DLG1: variants seen among roughly 807,000 people sequenced by gnomAD.
DLG1 encodes disks large homolog 1.
DLG1 carries 42 observed loss-of-function variants against 123.4 expected under a neutral mutation model. That is an observed-to-expected ratio of 0.34 (90% CI 0.27 to 0.44). The LOEUF (loss-of-function observed/expected upper bound fraction) is 0.44. Ranked by LOEUF, DLG1 falls within the 20% of genes least tolerant of loss-of-function variation. DLG1 has a pLI of 1.00. For missense variants in DLG1, 942 were observed against 1,082.6 expected, an observed-to-expected ratio of 0.87 and a Z score of 1.82; for synonymous variants, 317 against 356.2, an observed-to-expected ratio of 0.89 and a Z score of 1.24.
intron 4 of DLG1, among the ~76,000 whole-genome samples, chr3:197,214,760 C>T (rs1431155962): frequency 1.3e-5 from 2 of 152,040 alleles, no homozygotes; most frequent in Non-Finnish European, 2.9e-5. Flanking sequence ...TCTTACAAAT[C>T]AATTTTTAAA....
chr3:197,212,552 C>T (rs1219202681), intron 4 of DLG1, among the ~76,000 whole-genome samples: 1 of 152,258 alleles, frequency 6.6e-6, no homozygotes, highest in African/African-American at 2.4e-5. Flanking sequence ...TGGCAGTCTT[C>T]CGCACTCCTT....
chr3:197,268,593 T>A (rs1280667739), intron 4 of DLG1, among the ~76,000 whole-genome samples: 1 of 152,052 alleles, frequency 6.6e-6, no homozygotes, highest in Non-Finnish European at 1.5e-5. Context: ...CCTAATTTTT[T>A]TTTTTTGTAG....
In DLG1 at chr3:197,296,354, GC is replaced by G. The variant is rs1777361074; in HGVS notation, c.142del (p.Ala48LeufsTer2). 6.2e-7 allele frequency: 1 copy of G among 1,613,288 alleles called. No individual in the cohort carries two copies. Among genetic ancestry groups the G allele is most frequent in the Non-Finnish European group, 8.5e-7 (1 of 1,179,512 alleles). On this transcript the variant is annotated frameshift_variant, in exon 3 of 25. Transcript: ENST00000667157. LOFTEE classifies it high-confidence loss of function. Reference sequence around the variant, plus strand: ...GAAGTTTTAATTCCCACCTATTAAAGCCTGAAAGAGGTTGCTCTGAAATATG... The same window carrying G: ...GAAGTTTTAATTCCCACCTATTAAAGCTGAAAGAGGTTGCTCTGAAATATG... The part of the protein sequence containing the change: ...INIFQSNLFQ[A>X]LIDIQEFYEV...
intron 8 of DLG1, among the ~76,000 whole-genome samples, chr3:197,139,739 GCC>G (rs1560978258): frequency 1.3e-5 from 2 of 151,952 alleles, no homozygotes; most frequent in Non-Finnish European, 2.9e-5. Flanking sequence ...ATGTTTCCCA[GCC>G]AGAGAGGAAA....
chr3:197,078,613 C>T (rs1388896592), intron 17 of DLG1: 1 of 152,052 alleles, frequency 6.6e-6, no homozygotes, highest in East Asian at 1.9e-4. Flanking sequence ...GGGCTTATAA[C>T]TATTTTATAA....
intron 7 of DLG1, among the ~76,000 whole-genome samples, chr3:197,142,016 A>G (rs988579160): frequency 1.3e-5 from 2 of 152,180 alleles, no homozygotes; most frequent in African/African-American, 4.8e-5. Flanking sequence ...AGGGAAAAAC[A>G]TATCTTAAGA....
In DLG1 at chr3:197,044,652, T is replaced by A; in HGVS notation, c.2653A>T (p.Ile885Phe). Reference protein sequence around the residue: ...QIIEEQSGSYIWVPAKEKL With the variant: ...QIIEEQSGSYFWVPAKEKL ...AGCTTTTCTTTTGCCGGAACCCAGA[T>A]GTAAGAACCAGATTGTTCTTCTATG... The change falls in exon 25 of 25, where the codon ATC becomes TTC. Residue 885 changes from isoleucine to phenylalanine, a missense_variant. Coordinates refer to ENST00000667157, the MANE Select transcript of DLG1 (RefSeq NM_001366207.1). 1 of 1,609,868 alleles carries A rather than the reference T, an allele frequency of 6.2e-7. No individual in the cohort carries two copies. Among genetic ancestry groups the A allele is most frequent in the Non-Finnish European group, 8.5e-7 (1 of 1,177,564 alleles).
At chr3:197,221,730 T>C (rs543459492) in intron 4 of DLG1, among the ~76,000 whole-genome samples, 35 of 152,312 alleles carry the variant, frequency 2.3e-4, no homozygotes, top group African/African-American at 8.2e-4. Flanking sequence ...ACTGCCTGTA[T>C]GCATTAGGTC....
chr3:197,095,398 A>G (rs372860046), intron 14 of DLG1, among the ~76,000 whole-genome samples: 3 of 151,664 alleles, frequency 2.0e-5, no homozygotes, highest in African/African-American at 7.3e-5. Context: ...TAGATCTTTG[A>G]GTCACAGCAG....
intron 5 of DLG1, among the ~76,000 whole-genome samples, chr3:197,168,224 C>G (rs1240893758): frequency 6.6e-6 from 1 of 152,160 alleles, no homozygotes; most frequent in Non-Finnish European, 1.5e-5. Context: ...TTAACCCATC[C>G]CCCTCTCTAC....
rs1348176776 is a variant in DLG1 at position 197,095,813 on chromosome 3, C to T, written c.1547-4787G>A. ...ACTTTATTCAGTGGGTTATAATCTG[C>T]CATTATTATCACCAACTGAATGCTG... On this transcript the variant is annotated intron_variant, in intron 14 of 24. Transcript: ENST00000667157. Among the ~76,000 whole-genome samples, 9 of 152,218 alleles carry T rather than the reference C, an allele frequency of 5.9e-5. No individual in the cohort carries two copies. The East Asian group carries it at 1.7e-3, about 29-fold the overall frequency.
intron 5 of DLG1, chr3:197,183,569 T>TGTA: frequency 6.5e-7 from 1 of 1,549,494 alleles, no homozygotes; most frequent in Non-Finnish European, 8.7e-7. Context: ...ACAAGTGGTA[T>TGTA]GTTACCTGGG....
At position 197,063,879 on chromosome 3, in the gene DLG1, T is replaced by C. The variant is rs372813299; in HGVS notation, c.2373+1397A>G. ...AAGAAAATGTCTTCATATTTCTCCC[T>C]GAATCTGATAGGGGAGAAATTGAAT... On this transcript the variant is annotated intron_variant, in intron 22 of 24. Coordinates refer to ENST00000667157, the MANE Select transcript of DLG1 (RefSeq NM_001366207.1). 2.2e-4 allele frequency among the ~76,000 whole-genome samples: 34 copies of C among 152,040 alleles called. No homozygotes were observed. In the East Asian group the frequency reaches 6.2e-3, roughly 28 times the overall value.
intron 5 of DLG1, among the ~76,000 whole-genome samples, chr3:197,163,525 T>C (rs1799712936): frequency 7.7e-6 from 1 of 130,098 alleles, no homozygotes; most frequent in Non-Finnish European, 1.6e-5. Context: ...ATGGGTATGA[T>C]TTTTTTTTTT....
chr3:197,127,509 T>C (rs1414312567), intron 11 of DLG1, among the ~76,000 whole-genome samples: 1 of 101,474 alleles, frequency 9.9e-6, no homozygotes, highest in Non-Finnish European at 1.9e-5. Flanking sequence ...GTAAGAAACC[T>C]AAAAATACGT....
chr3:197,162,480 C>T (rs1327381246), intron 5 of DLG1, among the ~76,000 whole-genome samples: 1 of 152,034 alleles, frequency 6.6e-6, no homozygotes, highest in Non-Finnish European at 1.5e-5. Flanking sequence ...GACAGCCTGC[C>T]TTAACAGGCC....
chr3:197,081,028 A>T (rs1405589308), intron 17 of DLG1, 23 bp downstream of exon 17: 1 of 1,601,266 alleles, frequency 6.2e-7, no homozygotes, highest in Non-Finnish European at 8.5e-7. Flanking sequence ...AATTACAAAA[A>T]TGTAGAGATT....
chr3:197,238,307 C>T (rs1747067505), intron 4 of DLG1, among the ~76,000 whole-genome samples: 1 of 152,040 alleles, frequency 6.6e-6, no homozygotes, highest in African/African-American at 2.4e-5. Flanking sequence ...CAGGAGATGC[C>T]AACATCAAGA....
At chr3:197,138,939 A>G (rs1269732440) in intron 8 of DLG1, among the ~76,000 whole-genome samples, 1 of 152,222 alleles carries the variant, frequency 6.6e-6, no homozygotes, top group Non-Finnish European at 1.5e-5. Flanking sequence ...GTTTAAGGTC[A>G]CAGAGATAGT....
Sources: allele counts gnomAD v4.1 joint callset (sites outside exome capture counted in the v4.1 genomes callset), GRCh38; gene constraint gnomAD v4.1.1; transcripts MANE v1.5; gene names NCBI Gene and HGNC (gene_info 2026-07-23, HGNC 2026-07-21).